RORB: variants seen among roughly 807,000 people sequenced by gnomAD.
The protein encoded by RORB is nuclear receptor ROR-beta.
Under a neutral mutation model 59.1 loss-of-function variants are expected in RORB, and 6 were observed. That is an observed-to-expected ratio of 0.10 (90% CI 0.06 to 0.20). The LOEUF is 0.20. Ranked by LOEUF, RORB falls within the 10% of genes least tolerant of loss-of-function variation. The probability of loss-of-function intolerance (pLI) is 1.00; values close to 1 mark genes in which losing one functional copy is unlikely to be tolerated. For synonymous variants in RORB, 215 were observed against 204.5 expected (o/e 1.05, Z -0.44); for missense variants, 320 against 560.5 (o/e 0.57, Z 4.33).
chr9:74,628,710 G>A (rs963637079), intron 1 of RORB, among the ~76,000 whole-genome samples: 1 of 152,150 alleles, frequency 6.6e-6, no homozygotes, highest in Non-Finnish European at 1.5e-5. Context: ...CATCCAAGTG[G>A]CAGATTGATA....
intron 1 of RORB, among the ~76,000 whole-genome samples, chr9:74,526,631 A>G (rs1826159936): frequency 6.6e-6 from 1 of 151,948 alleles, no homozygotes; most frequent in African/African-American, 2.4e-5. Flanking sequence ...AAACTTGAGG[A>G]AGGTGTATTT....
chr9:74,521,469 A>G (rs983578730), intron 1 of RORB, among the ~76,000 whole-genome samples: 2 of 152,002 alleles, frequency 1.3e-5, no homozygotes, highest in Admixed American at 1.3e-4. Context: ...AAATCTAACA[A>G]CAAAAAAATC....
At chr9:74,663,009 T>C (rs1824214269) in intron 6 of RORB, among the ~76,000 whole-genome samples, 1 of 151,882 alleles carries the variant, frequency 6.6e-6, no homozygotes, top group South Asian at 2.1e-4. Flanking sequence ...TTAATGAGGA[T>C]AGCCTGCAGC....
chr9:74,533,742 T>C (rs1826280392), intron 1 of RORB, among the ~76,000 whole-genome samples: 1 of 152,086 alleles, frequency 6.6e-6, no homozygotes, highest in Admixed American at 6.6e-5. Flanking sequence ...TTATGATTCC[T>C]TAATTAGGAG....
At chr9:74,550,335 C>T (rs1435456524) in intron 1 of RORB, among the ~76,000 whole-genome samples, 1 of 152,088 alleles carries the variant, frequency 6.6e-6, no homozygotes, top group Non-Finnish European at 1.5e-5. Flanking sequence ...ACTTTTTCAG[C>T]CCTAAATGAC....
intron 1 of RORB, among the ~76,000 whole-genome samples, chr9:74,608,085 G>A (rs749187802): frequency 6.6e-6 from 1 of 152,108 alleles, no homozygotes; most frequent in African/African-American, 2.4e-5. Flanking sequence ...ATGAAGTAAG[G>A]TTCTTAACTC....
intron 9 of RORB, among the ~76,000 whole-genome samples, chr9:74,672,362 T>C (rs941379827): frequency 2.0e-5 from 3 of 152,188 alleles, no homozygotes; most frequent in African/African-American, 7.2e-5. Context: ...AGCAGTGAGC[T>C]CTGTGTCATA....
chr9:74,620,159 A>T (rs900881861), intron 1 of RORB, among the ~76,000 whole-genome samples: 5 of 152,082 alleles, frequency 3.3e-5, no homozygotes, highest in African/African-American at 1.2e-4. Context: ...TCAGCTGTGA[A>T]TCCGTCTGGT....
intron 1 of RORB, among the ~76,000 whole-genome samples, chr9:74,566,537 C>G: frequency 6.6e-6 from 1 of 152,160 alleles, no homozygotes. Context: ...TGGCTCACAC[C>G]TGTAATCCCA....
At chr9:74,547,605 G>A (rs76497147) in intron 1 of RORB, among the ~76,000 whole-genome samples, 2 of 152,306 alleles carry the variant, frequency 1.3e-5, no homozygotes, top group East Asian at 3.9e-4. Context: ...AGTAAGGGAT[G>A]TGGATATCTG....
At chr9:74,650,366 G>C (rs997381467) in intron 4 of RORB, among the ~76,000 whole-genome samples, 2 of 152,214 alleles carry the variant, frequency 1.3e-5, no homozygotes, top group Non-Finnish European at 2.9e-5. Context: ...GGAAGAGCTG[G>C]TAAGAGTTAA....
chr9:74,658,703 T>A (rs1158255815), intron 4 of RORB, among the ~76,000 whole-genome samples: 1 of 152,226 alleles, frequency 6.6e-6, no homozygotes, highest in Non-Finnish European at 1.5e-5. Flanking sequence ...ATATGTTTTT[T>A]TAGATTCTAA....
Position 74,601,621 on chromosome 9 carries a change from A to G in RORB, c.8-28661A>G, listed in dbSNP as rs551239821. The stretch of plus-strand genomic sequence containing the variant: ...ACTCAATTCTCTACGATTTCTCACT[A>G]CAAAGCTTCCTGTGAGATTTCCAAA... On this transcript the variant is annotated intron_variant, in intron 1 of 9. Coordinates refer to ENST00000376896, the MANE Select transcript of RORB (RefSeq NM_006914.4). Among the ~76,000 whole-genome samples the G allele has an allele frequency of 2.0e-5, 3 of 152,300 alleles. No individual in the cohort carries two copies. The East Asian group carries it at 5.8e-4, about 29-fold the overall frequency.
At chr9:74,675,874 C>G (rs1368948620) in intron 9 of RORB, among the ~76,000 whole-genome samples, 1 of 152,180 alleles carries the variant, frequency 6.6e-6, no homozygotes, top group Admixed American at 6.5e-5. Flanking sequence ...TTGAGAACAG[C>G]AGGACCACTG....
At chr9:74,579,313 CATT>C (rs1822684758) in intron 1 of RORB, among the ~76,000 whole-genome samples, 1 of 152,102 alleles carries the variant, frequency 6.6e-6, no homozygotes, top group African/African-American at 2.4e-5. Flanking sequence ...TAATTAAACA[CATT>C]AATTAATGAT....
At chr9:74,673,408 A>G (rs1824382151) in intron 9 of RORB, among the ~76,000 whole-genome samples, 1 of 151,990 alleles carries the variant, frequency 6.6e-6, no homozygotes, top group Non-Finnish European at 1.5e-5. Flanking sequence ...GCTTGGGAGG[A>G]TTGTCCGCTT....
intron 8 of RORB, among the ~76,000 whole-genome samples, chr9:74,668,828 C>A (rs1824306994): frequency 8.5e-5 from 13 of 152,116 alleles, no homozygotes; most frequent in Admixed American, 8.5e-4. Flanking sequence ...ACTTGACCTA[C>A]ACAGTTCAAA....
chr9:74,672,550 A>G (rs748940391), intron 9 of RORB, among the ~76,000 whole-genome samples: 1 of 152,202 alleles, frequency 6.6e-6, no homozygotes, highest in Non-Finnish European at 1.5e-5. Flanking sequence ...AGCAAAATCC[A>G]TGCAACATGT....
intron 1 of RORB, among the ~76,000 whole-genome samples, chr9:74,511,487 T>A (rs925107443): frequency 1.4e-4 from 21 of 151,750 alleles, no homozygotes; most frequent in African/African-American, 5.1e-4. Context: ...GTAGATTAGT[T>A]GTAAGTGTCA....
Sources: gnomAD v4.1 joint callset for allele counts (sites outside exome capture counted in the v4.1 genomes callset) on GRCh38, gnomAD v4.1.1 for gene constraint, MANE v1.5 for transcripts, NCBI Gene and HGNC (gene_info 2026-07-23, HGNC 2026-07-21) for gene names.